Variants in TLL1 observed in about 807,000 individuals in gnomAD.
TLL1 encodes the protein tolloid-like protein 1.
A neutral mutation model predicts 128.2 loss-of-function variants in TLL1; 49 were observed. That is an observed-to-expected ratio of 0.38 (90% CI 0.30 to 0.48). The LOEUF is 0.48. Ranked by LOEUF, TLL1 falls within the 20% of genes least tolerant of loss-of-function variation. The probability of loss-of-function intolerance (pLI) is 0.96; values close to 1 mark genes in which losing one functional copy is unlikely to be tolerated. For missense variants in TLL1, 1,123 were observed against 1,242.0 expected (o/e 0.90, Z 1.44); for synonymous variants, 454 against 418.8 (o/e 1.08, Z -1.03).
At chr4:166,055,041 A>G (rs774035363) in intron 12 of TLL1, 35 bp from the exon 13 acceptor site, 1 of 1,571,726 alleles carries the variant, frequency 6.4e-7, no homozygotes, top group Non-Finnish European at 8.7e-7. Context: ...TTTTATCTAT[A>G]AACATATATT....
At chr4:166,003,668 T>G in intron 6 of TLL1, 99 bp downstream of exon 6, 1 of 1,199,472 alleles carries the variant, frequency 8.3e-7, no homozygotes, top group Non-Finnish European at 1.2e-6. Context: ...TGTAAACTGA[T>G]ATTTTTGATA....
At chr4:165,897,626 T>C (rs965352088) in intron 1 of TLL1, among the ~76,000 whole-genome samples, 20 of 150,252 alleles carry the variant, frequency 1.3e-4, no homozygotes, top group African/African-American at 4.9e-4. Flanking sequence ...TAGGTTACTG[T>C]AGCCTTATAG....
intron 1 of TLL1, among the ~76,000 whole-genome samples, chr4:165,906,429 A>C (rs754419570): frequency 1.2e-4 from 19 of 152,206 alleles, no homozygotes; most frequent in African/African-American, 1.7e-4. Context: ...TCCCTGTCAC[A>C]AAGTGAAGAA....
At chr4:165,915,723 C>A (rs772137727) in intron 1 of TLL1, among the ~76,000 whole-genome samples, 1 of 152,128 alleles carries the variant, frequency 6.6e-6, no homozygotes, top group Non-Finnish European at 1.5e-5. Context: ...ACAGAGGGAG[C>A]GTGCATGCTC....
intron 12 of TLL1, among the ~76,000 whole-genome samples, chr4:166,045,656 C>T (rs1739430648): frequency 6.6e-6 from 1 of 152,122 alleles, no homozygotes; most frequent in African/African-American, 2.4e-5. Context: ...CCTAAAATAA[C>T]ATCTAGACTC....
At position 166,014,485 on chromosome 4, in the gene TLL1, C is replaced by T. The variant is rs1433414959; in HGVS notation, c.967C>T (p.Arg323Cys). The T allele has an allele frequency of 1.9e-6, 3 of 1,612,256 alleles. No individual in the cohort carries two copies. Among genetic ancestry groups the T allele is most frequent in the South Asian group, 2.2e-5 (2 of 91,068 alleles). The change falls in exon 8 of 21, where the codon CGT becomes TGT. Residue 323 changes from arginine to cysteine, a missense_variant. Around this residue, in one of 3 missense-constraint regions of TLL1, gnomAD observed 480 missense variants for 542.4 expected, o/e 0.89. Transcript: ENST00000061240. ...ILPSRDDNGI[R>C]PAIGQRTRLS... Reference sequence around the variant, plus strand: ...CCCCTCCCGTGATGATAATGGCATACGTCCTGCAATTGGTCAGCGAACCCG... The same window carrying T: ...CCCCTCCCGTGATGATAATGGCATATGTCCTGCAATTGGTCAGCGAACCCG...
At position 166,091,264 on chromosome 4, in the gene TLL1, C is replaced by T. The variant is rs1741766393; in HGVS notation, c.2579C>T (p.Thr860Ile). 2 of 1,613,152 alleles carry T rather than the reference C, an allele frequency of 1.2e-6. No individual in the cohort carries two copies. Among genetic ancestry groups the T allele is most frequent in the Non-Finnish European group, 1.7e-6 (2 of 1,179,462 alleles). The change falls in exon 19 of 21, where the codon ACT (threonine) becomes ATT (isoleucine). Residue 860 changes from threonine (T) to isoleucine (I), a missense_variant. Thr to Ile is a moderately conservative substitution (Grantham distance 89). Around this residue, in one of 3 missense-constraint regions of TLL1, gnomAD observed 634 missense variants for 672.4 expected, o/e 0.94. Coordinates refer to ENST00000061240, the MANE Select transcript of TLL1 (RefSeq NM_012464.5). ...GNKIPDPLVA[T>I]GNKMFVRFVS... is the part of the protein sequence containing the mutation. ...AAGATACCAGATCCCCTTGTGGCTA[C>T]TGGAAATAAAATGTTTGTTCGGTTT...
chr4:165,991,270 CT>C (rs1457533804), intron 2 of TLL1, among the ~76,000 whole-genome samples: 1 of 151,840 alleles, frequency 6.6e-6, no homozygotes, highest in East Asian at 1.9e-4. Context: ...ACAGATCATA[CT>C]GATAATAATA....
chr4:166,058,334 A>G (rs1194596604), intron 14 of TLL1, among the ~76,000 whole-genome samples: 1 of 152,102 alleles, frequency 6.6e-6, no homozygotes, highest in Non-Finnish European at 1.5e-5. Context: ...CTTTAGGTAT[A>G]TCTCCCTTAT....
chr4:166,002,932 A>G (rs1233709140), intron 5 of TLL1, among the ~76,000 whole-genome samples: 1 of 152,228 alleles, frequency 6.6e-6, no homozygotes, highest in Admixed American at 6.5e-5. Context: ...CTGAAATAAT[A>G]TTGAATTATT....
intron 12 of TLL1, among the ~76,000 whole-genome samples, chr4:166,052,903 A>G (rs1333624664): frequency 1.4e-5 from 2 of 146,146 alleles, no homozygotes; most frequent in African/African-American, 5.1e-5. Context: ...AAATGTTCTC[A>G]TATTTATAGA....
At chr4:165,995,208 A>T in intron 5 of TLL1, 30 bp downstream of exon 5, 1 of 1,447,730 alleles carries the variant, frequency 6.9e-7, no homozygotes. Flanking sequence ...GACTGACTTA[A>T]GGAAAAAAAA....
At chr4:165,935,113 T>G (rs1422110624) in intron 1 of TLL1, among the ~76,000 whole-genome samples, 1 of 152,188 alleles carries the variant, frequency 6.6e-6, no homozygotes, top group East Asian at 1.9e-4. Context: ...CAGTAGTTAC[T>G]CTCATTTTGC....
intron 9 of TLL1, among the ~76,000 whole-genome samples, chr4:166,032,625 A>C (rs1376123832): frequency 6.6e-6 from 1 of 152,178 alleles, no homozygotes; most frequent in Non-Finnish European, 1.5e-5. Context: ...ATCATTTTAA[A>C]GGATATGTGA....
chr4:166,075,627 C>A (rs893523472), intron 17 of TLL1, among the ~76,000 whole-genome samples: 23 of 152,196 alleles, frequency 1.5e-4, no homozygotes, highest in African/African-American at 4.8e-4. Flanking sequence ...CCACTATGAA[C>A]TGGATGAGAA....
chr4:166,059,810 C>T (rs948696202), intron 14 of TLL1, among the ~76,000 whole-genome samples: 15 of 151,990 alleles, frequency 9.9e-5, no homozygotes, highest in Admixed American at 7.9e-4. Flanking sequence ...ATAATATTCT[C>T]GGCTACTAAG....
At chr4:166,038,660 T>C (rs1258959551) in intron 9 of TLL1, among the ~76,000 whole-genome samples, 2 of 152,230 alleles carry the variant, frequency 1.3e-5, no homozygotes, top group East Asian at 1.9e-4. Context: ...TCTTGAGTTA[T>C]CTTTACGCAA....
chr4:166,039,863 G>C (rs1579659291), intron 10 of TLL1, among the ~76,000 whole-genome samples: 1 of 152,080 alleles, frequency 6.6e-6, no homozygotes, highest in South Asian at 2.1e-4. Context: ...AAACTGTTAG[G>C]TACATGTTTG....
intron 12 of TLL1, among the ~76,000 whole-genome samples, chr4:166,053,585 GT>G (rs916162400): frequency 6.6e-6 from 1 of 151,988 alleles, no homozygotes; most frequent in East Asian, 1.9e-4. Context: ...TATTTTTTTT[GT>G]TTGTCTTTAT....
Sources: allele counts gnomAD v4.1 joint callset (sites outside exome capture counted in the v4.1 genomes callset), GRCh38; gene constraint gnomAD v4.1.1; regional missense constraint gnomAD v4.1.1; transcripts MANE v1.5; gene names NCBI Gene and HGNC (gene_info 2026-07-23, HGNC 2026-07-21).